Variants in FAM219A observed in about 807,000 individuals in gnomAD.
FAM219A encodes family with sequence similarity 219 member A, also known as protein FAM219A.
A neutral mutation model predicts 23.4 loss-of-function variants in FAM219A; 7 were observed. The observed-to-expected ratio is 0.30, with a 90% CI of 0.17 to 0.56. FAM219A has a LOEUF of 0.56. Ranked by LOEUF, FAM219A falls within the 20% of genes least tolerant of loss-of-function variation. FAM219A has a pLI of 0.92. For missense variants in FAM219A, 166 were observed against 246.9 expected (o/e 0.67, Z 2.20); for synonymous variants, 93 against 99.0 (o/e 0.94, Z 0.36).
In FAM219A at chr9:34,458,136, T is replaced by C. The variant is rs758853631; in HGVS notation, c.60+68A>G. 2,552 of 1,339,630 alleles carry C rather than the reference T, an allele frequency of 1.9e-3. 6 individuals are homozygous for C. Among genetic ancestry groups the C allele is most frequent in the Non-Finnish European group, 1.8e-3 (1,819 of 1,001,146 alleles). The allele number at this position is 1,339,630 out of a possible 1,614,324, so 83.0% of individuals were successfully genotyped here. A position where few individuals can be genotyped will look rare whatever the true frequency, so the allele number is the denominator to read the frequency against. ...GCCCCTCCGCACGATCCCCCCGGCC[T>C]GATTCCCTCCCTCCCCCTCAAGCGA... On this transcript the variant is annotated intron_variant, in intron 1 of 5. Transcript: ENST00000651358. This position sits in a 1 kb window ranked among gnomAD's most constrained non-coding sequence, Gnocchi z 6.6.
At chr9:34,412,326 AG>A (rs1821852235) in intron 1 of FAM219A, among the ~76,000 whole-genome samples, 1 of 152,234 alleles carries the variant, frequency 6.6e-6, no homozygotes, top group South Asian at 2.1e-4. Context: ...TGTAAAACAA[AG>A]GGTCTGGACA....
At chr9:34,422,112 C>T (rs531785917) in intron 1 of FAM219A, among the ~76,000 whole-genome samples, 2 of 152,190 alleles carry the variant, frequency 1.3e-5, no homozygotes, top group South Asian at 2.1e-4. Context: ...TCAAAGCTCA[C>T]GTTGGGGAGG....
intron 1 of FAM219A, among the ~76,000 whole-genome samples, chr9:34,411,418 G>A (rs768355154): frequency 6.6e-6 from 1 of 151,754 alleles, no homozygotes; most frequent in South Asian, 2.1e-4. Context: ...GGCTGGGCAC[G>A]GTGGCTCACG....
chr9:34,430,373 A>C (rs1002588781), intron 1 of FAM219A, among the ~76,000 whole-genome samples: 1 of 151,978 alleles, frequency 6.6e-6, no homozygotes, highest in Admixed American at 6.6e-5. Flanking sequence ...TACAAAACAA[A>C]ACAAAAAAAG....
At chr9:34,432,348 C>G (rs190100298) in intron 1 of FAM219A, among the ~76,000 whole-genome samples, 1 of 152,250 alleles carries the variant, frequency 6.6e-6, no homozygotes, top group Admixed American at 6.5e-5. Flanking sequence ...CTACTTAACA[C>G]TGTTCTCCCT....
In FAM219A at chr9:34,438,456, T is replaced by C. The variant is rs372277431; in HGVS notation, c.60+19748A>G. Among the ~76,000 whole-genome samples the C allele has an allele frequency of 3.3e-3, 505 of 152,290 alleles. 2 individuals are homozygous for C. The highest frequency in any genetic ancestry group is 0.011 in the African/African-American group (475 of 41,556). ...GAACCTTTATGTCTAGCTCAGGGAT[T>C]GTAACTACACCAATCAGCACCCTGT... On this transcript the variant is annotated intron_variant, in intron 1 of 5. Coordinates refer to ENST00000651358, the MANE Select transcript of FAM219A (RefSeq NM_001184940.2).
chr9:34,441,937 T>C (rs1318714902), intron 1 of FAM219A, among the ~76,000 whole-genome samples: 1 of 152,138 alleles, frequency 6.6e-6, no homozygotes, highest in Non-Finnish European at 1.5e-5. Context: ...TTGCCCAGAC[T>C]GGTTTCGAAC....
At chr9:34,435,874 C>A (rs938592903) in intron 1 of FAM219A, among the ~76,000 whole-genome samples, 1 of 151,866 alleles carries the variant, frequency 6.6e-6, no homozygotes, top group Non-Finnish European at 1.5e-5. Context: ...GGCATGATCT[C>A]GGCTCACTGC....
intron 1 of FAM219A, among the ~76,000 whole-genome samples, chr9:34,438,882 G>GCTTTGTT (rs1823045737): frequency 6.6e-6 from 1 of 152,226 alleles, no homozygotes; most frequent in Non-Finnish European, 1.5e-5. Context: ...CACTGTGGAA[G>GCTTTGTT]CTTTGTTCTT....
intron 1 of FAM219A, among the ~76,000 whole-genome samples, chr9:34,451,535 C>A (rs1564019782): frequency 6.7e-6 from 1 of 148,660 alleles, no homozygotes; most frequent in Non-Finnish European, 1.5e-5. Context: ...TCCCATGTTC[C>A]CTTTCCAGAC....
In FAM219A at chr9:34,402,799, G is replaced by A. The variant is rs573238825; in HGVS notation, c.169C>T (p.Arg57Trp). Residue 57 changes from arginine to tryptophan, a missense_variant, in exon 3 of 6, where the codon CGG becomes TGG. Transcript: ENST00000651358. ...SPLQVKLEKQRELARKGSLKN... is the reference protein window; with the variant it reads ...SPLQVKLEKQWELARKGSLKN... ...AGGGAGCCCTTCCGGGCCAGCTCCC[G>A]CTGCTTCTCTGCAGGAGAACATGGG... 18 of 1,613,864 alleles carry A rather than the reference G, an allele frequency of 1.1e-5. No individual in the cohort carries two copies. Among genetic ancestry groups the A allele is most frequent in the Non-Finnish European group, 1.4e-5 (17 of 1,179,894 alleles).
intron 1 of FAM219A, among the ~76,000 whole-genome samples, chr9:34,440,664 C>T (rs1296006818): frequency 1.1e-4 from 17 of 151,902 alleles, no homozygotes; most frequent in Admixed American, 1.1e-3. Context: ...TCCTGGCTAA[C>T]ACGGTGAAAC....
intron 1 of FAM219A, among the ~76,000 whole-genome samples, chr9:34,455,186 C>A (rs1184693479): frequency 6.6e-6 from 1 of 152,112 alleles, no homozygotes; most frequent in East Asian, 1.9e-4. Context: ...AAACCAATTG[C>A]TGAATCAATG....
In FAM219A at chr9:34,442,243, A is replaced by G. The variant is rs138069474; in HGVS notation, c.60+15961T>C. ...AAATACAGGAGACAGAATAGGATAA[A>G]AAACAACACAAGAATGCAGTCAACA... is the stretch of plus-strand genomic sequence containing the variant. On this transcript the variant is annotated intron_variant, in intron 1 of 5. Transcript: ENST00000651358. Among the ~76,000 whole-genome samples, 517 of 152,380 alleles carry G rather than the reference A, an allele frequency of 3.4e-3. 2 individuals carry two copies. The highest frequency in any genetic ancestry group is 0.011 in the African/African-American group (477 of 41,590).
intron 1 of FAM219A, among the ~76,000 whole-genome samples, chr9:34,429,505 A>G (rs933132487): frequency 3.9e-5 from 6 of 152,182 alleles, no homozygotes; most frequent in African/African-American, 1.4e-4. Flanking sequence ...ACTTTCAACC[A>G]GAAAATTTAA....
chr9:34,410,040 G>C (rs73645593), intron 1 of FAM219A, among the ~76,000 whole-genome samples: 19,904 of 152,220 alleles, frequency 0.13, 1,327 homozygotes, highest in South Asian at 0.15. Flanking sequence ...GCCGAGAGGG[G>C]AAGTGTCTTA....
At chr9:34,456,357 A>T (rs937137903) in intron 1 of FAM219A, among the ~76,000 whole-genome samples, 2 of 152,182 alleles carry the variant, frequency 1.3e-5, no homozygotes, top group South Asian at 4.1e-4. Context: ...ACCCAGCCAA[A>T]CCACTATTCA....
rs1468532840 is a variant in FAM219A, at chr9:34,399,221, G to C, written c.*1743C>G. The C allele has an allele frequency of 1.3e-5, 2 of 152,208 alleles. No homozygotes were observed. Among genetic ancestry groups the C allele is most frequent in the Non-Finnish European group, 2.9e-5 (2 of 68,096 alleles). 9.4% of individuals were successfully genotyped at this position (152,208 alleles called of 1,614,324 possible). On this transcript the variant is annotated 3_prime_UTR_variant, in exon 6 of 6. Transcript: ENST00000651358. ...GGTGTTAGCATGAGATGATCCACCT[G>C]GGCCTGTGCTATAAGGTATGTGGGC...
chr9:34,402,547 A>T, intron 3 of FAM219A, 80 bp from the exon 4 acceptor site: 1 of 1,582,542 alleles, frequency 6.3e-7, no homozygotes, highest in Non-Finnish European at 8.6e-7. Flanking sequence ...GCCCCGTCCC[A>T]CCACTTTCTT....
Sources: allele counts gnomAD v4.1 joint callset (sites outside exome capture counted in the v4.1 genomes callset), GRCh38; gene constraint gnomAD v4.1.1; non-coding constraint Gnocchi (gnomAD v3.1); transcripts MANE v1.5; gene names NCBI Gene and HGNC (gene_info 2026-07-23, HGNC 2026-07-21).